IL1RAPL2: variants seen among roughly 807,000 people sequenced by gnomAD.
The protein encoded by IL1RAPL2 is interleukin 1 receptor accessory protein like 2.
A neutral mutation model predicts 44.1 loss-of-function variants in IL1RAPL2; 3 were observed. That is an observed-to-expected ratio of 0.07 (90% CI 0.03 to 0.18). IL1RAPL2 has a LOEUF of 0.18. IL1RAPL2 is among the 10% of genes least tolerant of loss of function. The pLI, the probability that IL1RAPL2 is intolerant of heterozygous loss-of-function variation, is 1.00. For synonymous variants in IL1RAPL2, 181 were observed against 178.8 expected (o/e 1.01, Z -0.10); for missense variants, 391 against 496.4 (o/e 0.79, Z 2.02).
At chrX:105,613,451 A>T (rs1464023774) in intron 6 of IL1RAPL2, among the ~76,000 whole-genome samples, 1 of 111,850 alleles carries the variant, frequency 8.9e-6, no homozygotes, top group African/African-American at 3.3e-5. Flanking sequence ...AAAGTTGAGG[A>T]AAAGTAAAGG....
intron 2 of IL1RAPL2, among the ~76,000 whole-genome samples, chrX:104,893,882 G>T (rs1923548335): frequency 8.9e-6 from 1 of 111,814 alleles, no homozygotes; most frequent in Non-Finnish European, 1.9e-5. Context: ...TTCCTAGCCT[G>T]GATGGTCTTT....
At chrX:104,602,083 G>C (rs1928894552) in intron 1 of IL1RAPL2, among the ~76,000 whole-genome samples, 1 of 111,943 alleles carries the variant, frequency 8.9e-6, no homozygotes, top group Admixed American at 9.4e-5. Context: ...GCAGCTCCCA[G>C]TGAGATTGAC....
intron 2 of IL1RAPL2, among the ~76,000 whole-genome samples, chrX:105,158,874 C>T (rs1290664269): frequency 1.8e-5 from 2 of 111,402 alleles, no homozygotes; most frequent in African/African-American, 3.3e-5. Flanking sequence ...TCTAATGGAT[C>T]TCTTTCTGTC....
At chrX:105,592,238 G>A (rs371929068) in intron 6 of IL1RAPL2, among the ~76,000 whole-genome samples, 65 of 111,375 alleles carry the variant, frequency 5.8e-4, no homozygotes, top group South Asian at 1.1e-3. Context: ...AATAGCAACC[G>A]TCAATTTTTT....
chrX:105,520,923 C>CTTTCTTTTTTTT (rs2036550531), intron 6 of IL1RAPL2, among the ~76,000 whole-genome samples: 5 of 52,358 alleles, frequency 9.5e-5, no homozygotes, highest in East Asian at 6.6e-4. Flanking sequence ...TTCTTTCTTT[C>CTTTCTTTTTTTT]TTTTTTTTTT....
chrX:105,518,655 G>T (rs2147788546), intron 6 of IL1RAPL2, among the ~76,000 whole-genome samples: 1 of 111,887 alleles, frequency 8.9e-6, no homozygotes, highest in South Asian at 3.7e-4. Flanking sequence ...CTTTAGGATT[G>T]GTGTAGCTTT....
chrX:105,155,234 ATAAAT>A (rs1198928347), intron 2 of IL1RAPL2, among the ~76,000 whole-genome samples: 5 of 111,500 alleles, frequency 4.5e-5, no homozygotes, highest in Non-Finnish European at 7.5e-5. Flanking sequence ...TATAACTATA[ATAAAT>A]TAAAGTTAAA....
rs2038624341 is a variant in IL1RAPL2, at chrX:105,754,898, C to T, written c.1193-279C>T. On this transcript the variant is annotated intron_variant, in intron 9 of 10. Coordinates refer to ENST00000372582, the MANE Select transcript of IL1RAPL2 (RefSeq NM_017416.2). ...TCAAACACACTGAGCTAATCATTCA[C>T]ACATCATTGAGTATTACAAATGCAT... Among the ~76,000 whole-genome samples the T allele has an allele frequency of 5.3e-5, 6 of 112,251 alleles. No individual in the cohort carries two copies. The South Asian group carries it at 2.2e-3, about 42-fold the overall frequency.
chrX:105,191,240 G>A (rs1556136937), intron 2 of IL1RAPL2, among the ~76,000 whole-genome samples: 2 of 112,639 alleles, frequency 1.8e-5, no homozygotes, highest in East Asian at 5.6e-4. Flanking sequence ...TTTTGAGACG[G>A]AGTCTCACTG....
intron 5 of IL1RAPL2, among the ~76,000 whole-genome samples, chrX:105,286,914 C>A (rs1325656187): frequency 9.0e-6 from 1 of 111,551 alleles, no homozygotes; most frequent in Non-Finnish European, 1.9e-5. Context: ...TATTCAGCTG[C>A]TATTGTTTCT....
chrX:104,995,789 C>G (rs747291438), intron 2 of IL1RAPL2, among the ~76,000 whole-genome samples: 11 of 111,996 alleles, frequency 9.8e-5, no homozygotes, highest in Admixed American at 2.9e-4. Flanking sequence ...GGATTATCCT[C>G]TTTGCCACCT....
chrX:105,745,986 C>T (rs1005410364), intron 8 of IL1RAPL2, among the ~76,000 whole-genome samples: 1 of 112,072 alleles, frequency 8.9e-6, no homozygotes, highest in African/African-American at 3.2e-5. Flanking sequence ...TCTGGCCAGG[C>T]CTCCCTCTTA....
chrX:105,137,985 A>T (rs1178027243), intron 2 of IL1RAPL2, among the ~76,000 whole-genome samples: 1 of 112,007 alleles, frequency 8.9e-6, no homozygotes, highest in Non-Finnish European at 1.9e-5. Flanking sequence ...AGGTGAGAGG[A>T]TCACTTGAGC....
intron 2 of IL1RAPL2, among the ~76,000 whole-genome samples, chrX:104,973,724 C>T (rs997040480): frequency 9.0e-6 from 1 of 111,557 alleles, no homozygotes; most frequent in Non-Finnish European, 1.9e-5. Flanking sequence ...TTTATAAATT[C>T]CCTTTCGTGA....
chrX:105,019,082 A>T (rs929386012), intron 2 of IL1RAPL2, among the ~76,000 whole-genome samples: 35 of 111,707 alleles, frequency 3.1e-4, no homozygotes, highest in African/African-American at 1.0e-3. Context: ...CACTAGGCCA[A>T]GTATTTTGTT....
At chrX:105,142,581 A>G (rs1426292666) in intron 2 of IL1RAPL2, among the ~76,000 whole-genome samples, 1 of 109,908 alleles carries the variant, frequency 9.1e-6, no homozygotes. Flanking sequence ...CAGTGAAGAT[A>G]CTTTAAATCT....
intron 2 of IL1RAPL2, among the ~76,000 whole-genome samples, chrX:104,957,374 A>T (rs866672963): frequency 5.3e-4 from 59 of 111,921 alleles, no homozygotes; most frequent in Admixed American, 9.5e-4. Flanking sequence ...TTGTCTTTGG[A>T]TGGGATCAGG....
At chrX:105,435,976 C>T (rs773284664) in intron 5 of IL1RAPL2, among the ~76,000 whole-genome samples, 3 of 110,728 alleles carry the variant, frequency 2.7e-5, no homozygotes, top group Non-Finnish European at 5.7e-5. Context: ...TTGATAGGTG[C>T]AGCAAACCAC....
At chrX:105,005,659 C>T (rs901131248) in intron 2 of IL1RAPL2, among the ~76,000 whole-genome samples, 1 of 110,351 alleles carries the variant, frequency 9.1e-6, no homozygotes, top group Admixed American at 9.7e-5. Context: ...CTTTTTAGTT[C>T]ACCATGTATT....
Sources: gnomAD v4.1 joint callset for allele counts (sites outside exome capture counted in the v4.1 genomes callset) on GRCh38, gnomAD v4.1.1 for gene constraint, MANE v1.5 for transcripts, NCBI Gene and HGNC (gene_info 2026-07-23, HGNC 2026-07-21) for gene names.